Variants in CIROZ observed in about 807,000 individuals in gnomAD.
CIROZ encodes the protein ciliated left-right organizer protein containing ZP-N domains.
At chr1:10,956,927 A>T in the CIROZ span, 1 of 1,071,058 alleles carries the variant, frequency 9.3e-7, no homozygotes, top group Non-Finnish European at 1.4e-6. Flanking sequence ...AGGTGGGATG[A>T]GACAGAGGGG....
the CIROZ span, among the ~76,000 whole-genome samples, chr1:10,968,806 G>C: frequency 2.0e-5 from 3 of 152,156 alleles, no homozygotes; most frequent in South Asian, 6.2e-4. Context: ...CTAATTCTCT[G>C]ATTATTGGCT....
the CIROZ span, chr1:10,947,568 C>T: frequency 9.2e-7 from 1 of 1,089,314 alleles, no homozygotes; most frequent in Non-Finnish European, 1.2e-6. Flanking sequence ...GGCCCCCAGC[C>T]CCCACCTCCA....
chr1:10,975,129 C>T, the CIROZ span, among the ~76,000 whole-genome samples: 1 of 151,998 alleles, frequency 6.6e-6, no homozygotes, highest in African/African-American at 2.4e-5. Flanking sequence ...AAAATTGGGC[C>T]GGGCGCGGTG....
At chr1:10,948,080 A>G in the CIROZ span, 1 of 1,613,436 alleles carries the variant, frequency 6.2e-7, no homozygotes, top group Non-Finnish European at 8.5e-7. Context: ...CGGTGAGTTC[A>G]GGTCCTGAAC....
chr1:10,951,119 C>T, the CIROZ span, among the ~76,000 whole-genome samples: 1 of 152,182 alleles, frequency 6.6e-6, no homozygotes, highest in Non-Finnish European at 1.5e-5. Context: ...GAGGCATTTC[C>T]ATCAGTGAAC....
chr1:10,968,689 T>G, the CIROZ span, among the ~76,000 whole-genome samples: 1 of 152,088 alleles, frequency 6.6e-6, no homozygotes, highest in African/African-American at 2.4e-5. Context: ...CACCGTCATT[T>G]CTCCATCCCC....
At chr1:10,964,341 G>A in the CIROZ span, 10 of 1,497,804 alleles carry the variant, frequency 6.7e-6, no homozygotes, top group Admixed American at 2.0e-5. Context: ...GCAATTATAG[G>A]TCAGTCCCTG....
the CIROZ span, among the ~76,000 whole-genome samples, chr1:10,980,064 G>C: frequency 2.8e-4 from 42 of 152,282 alleles, no homozygotes; most frequent in African/African-American, 9.9e-4. Context: ...AAGAAAGAAA[G>C]AAAGTTAACA....
the CIROZ span, chr1:10,957,569 C>A: frequency 3.4e-5 from 55 of 1,607,264 alleles, no homozygotes; most frequent in East Asian, 1.2e-3. Context: ...GGTGCTATGC[C>A]CCAGAGGCCC....
the CIROZ span, among the ~76,000 whole-genome samples, chr1:10,952,859 A>G: frequency 4.6e-5 from 7 of 152,322 alleles, no homozygotes; most frequent in African/African-American, 1.7e-4. Flanking sequence ...ACGCTGCTTG[A>G]GAGCAAGAAC....
chr1:10,957,447 G>C, the CIROZ span: 6 of 931,922 alleles, frequency 6.4e-6, no homozygotes, highest in African/African-American at 6.8e-5. Context: ...TCTGCAGAGC[G>C]GAGCGCTTTA....
At chr1:10,951,431 C>T in the CIROZ span, among the ~76,000 whole-genome samples, 3 of 151,146 alleles carry the variant, frequency 2.0e-5, no homozygotes, top group African/African-American at 4.9e-5. Context: ...GGCATGGTGG[C>T]GGGCACTTGT....
chr1:10,952,722 GGCTGA>G, the CIROZ span, among the ~76,000 whole-genome samples: 1 of 152,202 alleles, frequency 6.6e-6, no homozygotes, highest in Non-Finnish European at 1.5e-5. Flanking sequence ...ATGTTGGCCA[GGCTGA>G]TCTCAAACTC....
chr1:10,960,564 A>C, the CIROZ span, among the ~76,000 whole-genome samples: 1 of 152,256 alleles, frequency 6.6e-6, no homozygotes, highest in Non-Finnish European at 1.5e-5. This position sits in a 1 kb window ranked among gnomAD's most constrained non-coding sequence, Gnocchi z 4.6. Flanking sequence ...TAATCACTGC[A>C]TTGAGTTTAC....
the CIROZ span, chr1:10,976,331 A>T: frequency 3.3e-6 from 3 of 909,428 alleles, no homozygotes; most frequent in Non-Finnish European, 3.3e-6. Context: ...TTCACTCATT[A>T]TATTTCTTTT....
the CIROZ span, among the ~76,000 whole-genome samples, chr1:10,973,667 G>A: frequency 1.3e-5 from 2 of 152,210 alleles, no homozygotes; most frequent in South Asian, 4.1e-4. Context: ...GAGCTGGTGG[G>A]AGCCCCGCCC....
chr1:10,979,149 G>A, the CIROZ span, among the ~76,000 whole-genome samples: 10 of 152,068 alleles, frequency 6.6e-5, no homozygotes, highest in East Asian at 3.9e-4. Flanking sequence ...GTGCCACCAC[G>A]CCTGGCTAAT....
chr1:10,948,266 C>G, the CIROZ span: 1 of 1,613,974 alleles, frequency 6.2e-7, no homozygotes, highest in South Asian at 1.1e-5. Context: ...GGCGTGGCCT[C>G]TCCACCTCCG....
chr1:10,981,321 A>G, the CIROZ span, among the ~76,000 whole-genome samples: 8 of 152,160 alleles, frequency 5.3e-5, no homozygotes, highest in African/African-American at 1.9e-4. Context: ...GTGGTGGCAC[A>G]TGCCTATGGT....
Sources: allele counts gnomAD v4.1 joint callset (sites outside exome capture counted in the v4.1 genomes callset), GRCh38; gene constraint gnomAD v4.1.1; non-coding constraint Gnocchi (gnomAD v3.1); transcripts MANE v1.5; gene names NCBI Gene and HGNC (gene_info 2026-07-23, HGNC 2026-07-21).